The following CSPG4 variants were observed in gnomAD, a reference collection of about 807,000 sequenced individuals.
The protein encoded by CSPG4 is chondroitin sulfate proteoglycan 4 (melanoma-associated).
CSPG4 carries 74 observed loss-of-function variants against 139.3 expected under a neutral mutation model. The observed-to-expected ratio is 0.53, with a 90% confidence interval of 0.44 to 0.64. CSPG4 has a LOEUF of 0.64. CSPG4 is among the 30% of genes least tolerant of loss of function. The pLI, the probability that CSPG4 is intolerant of heterozygous loss-of-function variation, is 0.00. For missense variants in CSPG4, 2,565 were observed against 3,148.3 expected, an observed-to-expected ratio of 0.81 and a Z score of 4.43; for synonymous variants, 1,234 against 1,394.2, an observed-to-expected ratio of 0.89 and a Z score of 2.56.
chr15:75,684,738 G>A lies in CSPG4; in HGVS notation c.4447C>T (p.Gln1483Ter). 1 of 1,612,150 alleles carries A rather than the reference G, an allele frequency of 6.2e-7. No homozygotes were observed. Among genetic ancestry groups the A allele is most frequent in the Non-Finnish European group, 8.5e-7 (1 of 1,178,644 alleles). Residue 1483 changes from glutamine to a stop codon, truncating the protein, a stop_gained and splice_region_variant, in exon 5 of 10, where the codon CAG becomes TAG. Coordinates refer to ENST00000308508, the MANE Select transcript of CSPG4 (RefSeq NM_001897.5). LOFTEE classifies it high-confidence loss of function. ...PPILTTNTGL[Q>*]MWEGATAPIP... ...GGTGTTCCCAGGGATGCTCTCACCT[G>A]CAGGCCTGTGTTTGTAGTGAGGATG... is the stretch of plus-strand genomic sequence containing the variant.
chr15:75,695,018 T>A (rs1227401347), intron 1 of CSPG4, among the ~76,000 whole-genome samples: 3 of 152,102 alleles, frequency 2.0e-5, no homozygotes, highest in African/African-American at 4.8e-5. Flanking sequence ...GCCAGGAGTC[T>A]ACTGTTGAAT....
intron 8 of CSPG4, chr15:75,678,552 C>G: frequency 2.3e-6 from 1 of 434,056 alleles, no homozygotes; most frequent in Non-Finnish European, 4.7e-6. Context: ...CAGGGTCTCA[C>G]TATGTTGCCC....
intron 1 of CSPG4, among the ~76,000 whole-genome samples, chr15:75,704,169 G>A (rs1894340436): frequency 1.3e-5 from 2 of 148,702 alleles, no homozygotes; most frequent in Non-Finnish European, 1.5e-5. Flanking sequence ...TCTCTAGATA[G>A]AGGCAGAGGC....
chr15:75,708,336 CCAGGCCACCTTGACAG>C (rs1894400455), intron 1 of CSPG4, among the ~76,000 whole-genome samples: 1 of 119,598 alleles, frequency 8.4e-6, no homozygotes, highest in Non-Finnish European at 1.7e-5. Flanking sequence ...ACCCCTGCCA[CCAGGCCACCTTGACAG>C]CAGCCCTACA....
chr15:75,686,292 C>T lies in CSPG4; in HGVS notation c.3790-591G>A, dbSNP rs111278773. 7.0e-3 allele frequency among the ~76,000 whole-genome samples: 1,060 copies of T among 152,144 alleles called. 11 individuals are homozygous for T. The highest frequency in any genetic ancestry group is 0.023 in the African/African-American group (934 of 41,480). On this transcript the variant is annotated intron_variant, in intron 3 of 9. Transcript: ENST00000308508. ...GTGTGTGCACACACACACACACAGG[C>T]CCCCCTGCTCAGGATCCGTTCAGGC...
upstream of CSPG4, among the ~76,000 whole-genome samples, chr15:75,713,396 T>C (rs1169123051): frequency 6.6e-6 from 1 of 152,212 alleles, no homozygotes; most frequent in African/African-American, 2.4e-5. Flanking sequence ...TCTCCCTGTC[T>C]GTAAGGGAGA....
In CSPG4 at chr15:75,687,920, A is replaced by G. The variant is rs1026630890; in HGVS notation, c.3145T>C (p.Ser1049Pro). 6.2e-7 allele frequency: 1 copy of G among 1,612,918 alleles called. No individual in the cohort carries two copies. The highest frequency in any genetic ancestry group is 1.6e-4 in the Middle Eastern group (1 of 6,062). Residue 1049 changes from serine to proline, a missense_variant, in exon 3 of 10, where the codon TCG becomes CCG. This residue lies in a region of CSPG4 where 2,316 missense variants were observed against 2,818.2 expected (regional missense o/e 0.82). Transcript: ENST00000308508. The surrounding 1 kb of genome is among the most constrained non-coding windows in gnomAD (Gnocchi z 5.4). ...ACCAGCTGGGCGTCAGCAAAGCCCGAGTCAGCATCGCTGAAGGCCACGTCG... is the reference window on the plus strand; with the variant it reads ...ACCAGCTGGGCGTCAGCAAAGCCCGGGTCAGCATCGCTGAAGGCCACGTCG... ...TDDVAFSDAD[S>P]GFADAQLVLT...
Position 75,676,866 on chromosome 15 carries a change from C to T in CSPG4, c.5653G>A (p.Gly1885Ser). 1.9e-6 allele frequency: 3 copies of T among 1,589,340 alleles called. No individual in the cohort carries two copies. Among genetic ancestry groups the T allele is most frequent in the Non-Finnish European group, 2.6e-6 (3 of 1,167,780 alleles). ...CGGGTCACGGGCCCCAGGCCACCAC[C>T]CACCAGGCTGAGGAAGCCGTTGTGG... ...APHNGFLSLV[G>S]GGLGPVTRFT... Residue 1885 changes from glycine to serine, a missense_variant, in exon 10 of 10, where the codon GGT (glycine) becomes AGT (serine). By Grantham distance (56) the Gly-to-Ser change is moderately conservative. Around this residue, in one of 5 missense-constraint regions of CSPG4, gnomAD observed 2,316 missense variants for 2,818.2 expected, o/e 0.82. Coordinates refer to ENST00000308508, the MANE Select transcript of CSPG4 (RefSeq NM_001897.5).
chr15:75,690,575 G>T lies in CSPG4; in HGVS notation c.490C>A (p.Arg164=). The T allele has an allele frequency of 1.2e-6, 2 of 1,608,266 alleles. No homozygotes were observed. Among genetic ancestry groups the T allele is most frequent in the Non-Finnish European group, 1.7e-6 (2 of 1,178,282 alleles). Residue 164 remains arginine (R), a synonymous_variant, in exon 3 of 10, where the codon CGA becomes AGA. Coordinates refer to ENST00000308508, the MANE Select transcript of CSPG4 (RefSeq NM_001897.5). ...GCATGGAGGCAACCCCTCAGGGGTC[G>T]GCTGGTTCCCCTCAGGTAGGGCAGG... The part of the protein sequence containing the change: ...LGLPYLRGTS[R]PLRGCLHAAT...
intron 8 of CSPG4, 25 bp from the exon 9 acceptor site, chr15:75,677,911 G>A: frequency 6.4e-7 from 1 of 1,573,422 alleles, no homozygotes; most frequent in Non-Finnish European, 8.6e-7. Flanking sequence ...ATCGTGGGGT[G>A]AGAGGCAGGT....
Position 75,685,632 on chromosome 15 carries a change from G to C in CSPG4, c.3859C>G (p.Leu1287Val), listed in dbSNP as rs1415612465. The C allele has an allele frequency of 1.2e-6, 2 of 1,609,688 alleles. No individual in the cohort carries two copies. Among genetic ancestry groups the C allele is most frequent in the African/African-American group, 2.7e-5 (2 of 74,916 alleles). ...SVKSPPSAGY[L>V]VMVSRGALAD... is the part of the protein sequence containing the mutation. ...AAGGCGCCACGCGACACCATCACCA[G>C]GTAGCCGGCACTCGGTGGGCTCTTC... The change falls in exon 4 of 10, where the codon CTG (leucine) becomes GTG (valine). Residue 1287 changes from leucine to valine, a missense_variant. Transcript: ENST00000308508.
At position 75,689,248 on chromosome 15, in the gene CSPG4, C is replaced by T. The variant is rs375574133; in HGVS notation, c.1817G>A (p.Arg606Gln). The T allele has an allele frequency of 4.2e-5, 68 of 1,610,284 alleles. No homozygotes were observed. In the African/African-American group the frequency reaches 6.5e-4, roughly 15 times the overall value. Residue 606 changes from arginine (R) to glutamine (Q), a missense_variant, in exon 3 of 10, where the codon CGA becomes CAA. Arg to Gln is a conservative substitution (Grantham distance 43). Coordinates refer to ENST00000308508, the MANE Select transcript of CSPG4 (RefSeq NM_001897.5). ...GGTCGCCGGCTCCCCAGGCTGGTCT[C>T]GGCGCTCCACGGGGAGGCCAGAGGA... ...GTSSGLPVER[R>Q]DQPGEPATEF... is the part of the protein sequence containing the mutation.
rs1893894527 is a variant in CSPG4, at chr15:75,676,498, C to T, written c.6021G>A (p.Gln2007=). Residue 2007 remains glutamine, a synonymous_variant, in exon 10 of 10, where the codon CAG becomes CAA. Transcript: ENST00000308508. ...TGGTGAAGGCAAAGACCACCTCGCC[C>T]TGGTCTATCTGGAATTGGCTGAAGG... ...TSAFSQFQID[Q]GEVVFAFTNF... 6.2e-7 allele frequency: 1 copy of T among 1,613,836 alleles called. No homozygotes were observed. Among genetic ancestry groups the T allele is most frequent in the African/African-American group, 1.3e-5 (1 of 74,958 alleles).
Position 75,688,291 on chromosome 15 carries a change from T to C in CSPG4, c.2774A>G (p.Lys925Arg), listed in dbSNP as rs1351662706. 1.2e-6 allele frequency: 2 copies of C among 1,612,956 alleles called. No individual in the cohort carries two copies. The highest frequency in any genetic ancestry group is 2.7e-5 in the African/African-American group (2 of 74,920). Residue 925 changes from lysine (K) to arginine (R), a missense_variant, in exon 3 of 10, where the codon AAG (lysine) becomes AGG (arginine). Physicochemically the swap from Lys to Arg is conservative, Grantham distance 26 (BLOSUM62 2). Transcript: ENST00000308508. ...GVLSADHLFVKSLNSASYLYE... is the reference protein window; with the variant it reads ...GVLSADHLFVRSLNSASYLYE... ...GAGGTAGCTGGCACTGTTGAGACTC[T>C]TGACAAAGAGGTGGTCAGCAGAGAG...
chr15:75,695,580 C>G (rs961112346), intron 1 of CSPG4, among the ~76,000 whole-genome samples: 1 of 152,204 alleles, frequency 6.6e-6, no homozygotes, highest in African/African-American at 2.4e-5. Context: ...CTCCCTCCAC[C>G]TCCTGGTCTC....
chr15:75,712,589 T>G (rs1894460515), intron 1 of CSPG4, 79 bp downstream of exon 1: 1 of 1,388,366 alleles, frequency 7.2e-7, no homozygotes, highest in Non-Finnish European at 1.0e-6. Context: ...CACTTCTGGC[T>G]CCTCCTGTCC....
intron 4 of CSPG4, 124 bp downstream of exon 4, chr15:75,685,095 G>C: frequency 7.4e-7 from 1 of 1,346,090 alleles, no homozygotes. Context: ...AAGCATAGGT[G>C]CTTCTGAAAT....
chr15:75,688,817 G>A lies in CSPG4; in HGVS notation c.2248C>T (p.His750Tyr). Reference protein sequence around the residue: ...RVRYLSTDPQHHAYDTVENLA... With the variant: ...RVRYLSTDPQYHAYDTVENLA... ...TTCTCCACGGTGTCGTAAGCGTGGT[G>A]CTGTGGGTCAGTGCTCAGGTACCTC... Residue 750 changes from histidine to tyrosine, a missense_variant, in exon 3 of 10, where the codon CAC (histidine) becomes TAC (tyrosine). Around this residue, in one of 5 missense-constraint regions of CSPG4, gnomAD observed 2,316 missense variants for 2,818.2 expected, o/e 0.82. Coordinates refer to ENST00000308508, the MANE Select transcript of CSPG4 (RefSeq NM_001897.5). The A allele has an allele frequency of 3.7e-6, 6 of 1,612,912 alleles. No homozygotes were observed. The South Asian group carries it at 6.6e-5, about 18-fold the overall frequency.
At chr15:75,707,239 G>A (rs1013714547) in intron 1 of CSPG4, among the ~76,000 whole-genome samples, 1 of 152,086 alleles carries the variant, frequency 6.6e-6, no homozygotes, top group Non-Finnish European at 1.5e-5. Context: ...TTACAGGCGT[G>A]AGCCACCGCG....
Sources: gnomAD v4.1 joint callset for allele counts (sites outside exome capture counted in the v4.1 genomes callset) on GRCh38, gnomAD v4.1.1 for gene constraint, gnomAD v4.1.1 regional missense constraint, Gnocchi (gnomAD v3.1) non-coding constraint, MANE v1.5 for transcripts, NCBI Gene and HGNC (gene_info 2026-07-23, HGNC 2026-07-21) for gene names.